Variants in PCDHA8 observed in about 807,000 individuals in gnomAD.
PCDHA8 encodes protocadherin alpha-8.
A neutral mutation model predicts 61.8 loss-of-function variants in PCDHA8; 53 were observed. The observed-to-expected ratio is 0.86, with a 90% CI of 0.69 to 1.08. The LOEUF is 1.08. Ranked by LOEUF, PCDHA8 falls within the 50% of genes least tolerant of loss-of-function variation. The pLI is 0.00. For synonymous variants in PCDHA8, 618 were observed against 556.6 expected (o/e 1.11, Z -1.55); for missense variants, 1,293 against 1,245.0 (o/e 1.04, Z -0.58).
intron 1 of PCDHA8, among the ~76,000 whole-genome samples, chr5:140,949,913 A>G (rs554549969): frequency 9.9e-5 from 15 of 151,452 alleles, no homozygotes; most frequent in Admixed American, 2.6e-4. Context: ...TTTAGATATA[A>G]CTATTTTTAG....
intron 1 of PCDHA8, chr5:140,929,046 C>CT (rs1229193922): frequency 6.2e-7 from 1 of 1,614,206 alleles, no homozygotes; most frequent in Non-Finnish European, 8.5e-7. Flanking sequence ...CTCAGAGCTG[C>CT]TGTCGCTCTA....
chr5:140,932,952 T>G (rs2088746376), intron 1 of PCDHA8, among the ~76,000 whole-genome samples: 1 of 152,008 alleles, frequency 6.6e-6, no homozygotes, highest in Non-Finnish European at 1.5e-5. Flanking sequence ...GAAGGTGGAC[T>G]AAATTGCTGA....
At chr5:141,000,412 TATA>T (rs2097919742) in intron 3 of PCDHA8, among the ~76,000 whole-genome samples, 3 of 102,806 alleles carry the variant, frequency 2.9e-5, no homozygotes, top group African/African-American at 7.7e-5. Flanking sequence ...TATATATATA[TATA>T]TATATATTTT....
At chr5:140,850,475 G>T (rs2150485791) in intron 1 of PCDHA8, 2 of 1,597,894 alleles carry the variant, frequency 1.3e-6, no homozygotes, top group African/African-American at 2.7e-5. Flanking sequence ...CAGCGCTGAC[G>T]GCCACGGCCA....
chr5:140,870,356 G>C lies in PCDHA8; in HGVS notation c.2394+26641G>C, dbSNP rs17119218. On this transcript the variant is annotated intron_variant, in intron 1 of 3. Coordinates refer to ENST00000531613, the MANE Select transcript of PCDHA8 (RefSeq NM_018911.3). ...AGCGCCCTGGACCGCGAGAACGTGT[G>C]GGCCTATGAACTGGTGGTGACTGCG... 1,853 of 1,614,212 alleles carry C rather than the reference G, an allele frequency of 1.1e-3. 14 individuals are homozygous for C. In the African/African-American group the frequency reaches 0.018, roughly 16 times the overall value.
chr5:140,924,886 A>G (rs190850675), intron 1 of PCDHA8, among the ~76,000 whole-genome samples: 11 of 137,270 alleles, frequency 8.0e-5, no homozygotes, highest in Admixed American at 3.0e-4. Context: ...CAGAGCAAGA[A>G]CCTGTCTCAA....
intron 1 of PCDHA8, chr5:140,875,619 T>G (rs369772491): frequency 7.7e-5 from 125 of 1,613,602 alleles, no homozygotes; most frequent in African/African-American, 7.5e-4. Flanking sequence ...GCCGCATCGC[T>G]CAGGACCTGG....
intron 1 of PCDHA8, chr5:140,883,607 G>A (rs782736793): frequency 6.2e-7 from 1 of 1,613,968 alleles, no homozygotes; most frequent in Non-Finnish European, 8.5e-7. Context: ...GGGGGTGGCC[G>A]ACGTGAACGA....
intron 1 of PCDHA8, among the ~76,000 whole-genome samples, chr5:140,903,825 C>A (rs1367828043): frequency 2.0e-5 from 3 of 152,092 alleles, no homozygotes; most frequent in Admixed American, 2.0e-4. Flanking sequence ...ACATGAATGT[C>A]TGTTGGTATT....
intron 1 of PCDHA8, among the ~76,000 whole-genome samples, chr5:140,950,849 T>G (rs1403920591): frequency 6.6e-6 from 1 of 152,120 alleles, no homozygotes; most frequent in Non-Finnish European, 1.5e-5. Flanking sequence ...ATACATTTCT[T>G]TCATATTCTT....
chr5:140,859,587 C>T, intron 1 of PCDHA8: 1 of 166,890 alleles, frequency 6.0e-6, no homozygotes, highest in Non-Finnish European at 1.3e-5. Context: ...TTGCCTATGG[C>T]TCTTAGCAAT....
intron 3 of PCDHA8, among the ~76,000 whole-genome samples, chr5:140,987,224 A>C (rs28567024): frequency 6.6e-6 from 1 of 151,930 alleles, no homozygotes; most frequent in South Asian, 2.1e-4. Context: ...AAAAAAAAAA[A>C]AAATAATAAA....
At chr5:140,887,612 G>A (rs2061514716) in intron 1 of PCDHA8, among the ~76,000 whole-genome samples, 1 of 151,760 alleles carries the variant, frequency 6.6e-6, no homozygotes, top group East Asian at 1.9e-4. Flanking sequence ...GCTTTAGTAT[G>A]GTTTTCTTTA....
At chr5:141,003,307 C>T (rs2153977029) in intron 3 of PCDHA8, among the ~76,000 whole-genome samples, 1 of 152,252 alleles carries the variant, frequency 6.6e-6, no homozygotes. Flanking sequence ...ATGAAGTGGC[C>T]AGCTACTTCC....
chr5:140,882,050 T>A, intron 1 of PCDHA8: 1 of 756,750 alleles, frequency 1.3e-6, no homozygotes, highest in African/African-American at 1.8e-5. Flanking sequence ...GAGTCATACT[T>A]ACACTTACAC....
In PCDHA8 at chr5:140,843,530, C is replaced by G. The variant is rs2150362147; in HGVS notation, c.2209C>G (p.Pro737Ala). 2 of 1,595,838 alleles carry G rather than the reference C, an allele frequency of 1.3e-6. No individual in the cohort carries two copies. Among genetic ancestry groups the G allele is most frequent in the African/African-American group, 1.3e-5 (1 of 74,392 alleles). Residue 737 changes from proline to alanine, a missense_variant, in exon 1 of 4, where the codon CCC (proline) becomes GCC (alanine). Pro to Ala is a conservative substitution (Grantham distance 27). Coordinates refer to ENST00000531613, the MANE Select transcript of PCDHA8 (RefSeq NM_018911.3). ...PTEGGCRAGK[P>A]TLVCSSAVGS... ...TGAGGGCGGGTGCCGGGCGGGCAAG[C>G]CCACTCTGGTGTGCTCCAGTGCGGT...
intron 1 of PCDHA8, chr5:140,857,210 C>T (rs2044424463): frequency 1.3e-6 from 2 of 1,598,628 alleles, no homozygotes; most frequent in East Asian, 4.5e-5. Flanking sequence ...CACCTGCTCT[C>T]TGACGCCTCA....
At chr5:140,871,121 A>G (rs1554165161) in intron 1 of PCDHA8, 4 of 1,613,320 alleles carry the variant, frequency 2.5e-6, no homozygotes, top group Non-Finnish European at 3.4e-6. Context: ...GAGAGCGGAC[A>G]GGCGCCAAAG....
chr5:140,984,271 A>G (rs1403531837), intron 3 of PCDHA8, among the ~76,000 whole-genome samples: 1 of 152,196 alleles, frequency 6.6e-6, no homozygotes, highest in African/African-American at 2.4e-5. Context: ...ACTAACTTTG[A>G]ATACATTCTC....
Sources: allele counts gnomAD v4.1 joint callset (sites outside exome capture counted in the v4.1 genomes callset), GRCh38; gene constraint gnomAD v4.1.1; transcripts MANE v1.5; gene names NCBI Gene and HGNC (gene_info 2026-07-23, HGNC 2026-07-21).